JAKMIP3: variants seen among roughly 807,000 people sequenced by gnomAD.
JAKMIP3 encodes janus kinase and microtubule-interacting protein 3.
A neutral mutation model predicts 118.5 loss-of-function variants in JAKMIP3; 58 were observed. That is an observed-to-expected ratio of 0.49 (90% CI 0.40 to 0.61). The LOEUF (loss-of-function observed/expected upper bound fraction) is 0.61. Among genes scored for constraint, JAKMIP3 ranks in the 20% least tolerant of loss-of-function variants. JAKMIP3 has a pLI of 0.00. For synonymous variants in JAKMIP3, 486 were observed against 451.2 expected (o/e 1.08, Z -0.98); for missense variants, 950 against 1,109.0 (o/e 0.86, Z 2.04).
chr10:132,163,649 C>T (rs1419031042), intron 20 of JAKMIP3, among the ~76,000 whole-genome samples: 1 of 152,196 alleles, frequency 6.6e-6, no homozygotes, highest in African/African-American at 2.4e-5. Context: ...GATCATGCCC[C>T]AGAATGGCCA....
chr10:132,134,585 C>A (rs923689109), intron 4 of JAKMIP3, among the ~76,000 whole-genome samples: 1 of 152,176 alleles, frequency 6.6e-6, no homozygotes, highest in Non-Finnish European at 1.5e-5. Context: ...CTCATGTCAT[C>A]GTACCAGAGA....
intron 1 of JAKMIP3, among the ~76,000 whole-genome samples, chr10:132,104,136 G>A (rs1034668905): frequency 2.1e-5 from 3 of 144,190 alleles, no homozygotes; most frequent in African/African-American, 5.5e-5. Context: ...ATCGATGGAT[G>A]CAGGTTGCCT....
chr10:132,103,442 GA>G (rs2045373050), intron 1 of JAKMIP3, among the ~76,000 whole-genome samples: 1 of 77,906 alleles, frequency 1.3e-5, no homozygotes, highest in African/African-American at 6.8e-5. Flanking sequence ...GCACCTGGGG[GA>G]GAGGAGCAGC....
chr10:132,104,200 C>T (rs182072929), intron 1 of JAKMIP3, among the ~76,000 whole-genome samples: 47 of 152,284 alleles, frequency 3.1e-4, no homozygotes, highest in Admixed American at 5.2e-4. Context: ...CGCTTCTGTT[C>T]CAGTCCCTGC....
At chr10:132,062,406 G>C (rs1202042993), upstream of JAKMIP3, among the ~76,000 whole-genome samples, 2 of 152,192 alleles carry the variant, frequency 1.3e-5, no homozygotes. Context: ...TGCAGACAGG[G>C]GTGCTCGTGG....
rs938476250 is a variant in JAKMIP3, at chr10:132,049,588, C to T, written c.-138+12850C>T. ...CCTAAATCGGGGTGTTTTTCCATATCCTTGAATGCTGTTTGCGTGTGCCCG... is the reference window on the plus strand; with the variant it reads ...CCTAAATCGGGGTGTTTTTCCATATTCTTGAATGCTGTTTGCGTGTGCCCG... On this transcript the variant is annotated intron_variant, in intron 1 of 23. Coordinates refer to the JAKMIP3 transcript ENST00000657785. This position sits in a 1 kb window ranked among gnomAD's most constrained non-coding sequence, Gnocchi z 4.3. Among the ~76,000 whole-genome samples the T allele has an allele frequency of 3.3e-5, 5 of 151,824 alleles. No homozygotes were observed. The highest frequency in any genetic ancestry group is 7.4e-5 in the Non-Finnish European group (5 of 67,988).
chr10:132,137,136 G>A lies in JAKMIP3; in HGVS notation c.1234G>A (p.Asp412Asn), dbSNP rs780921331. The A allele has an allele frequency of 1.2e-6, 2 of 1,613,964 alleles. No individual in the cohort carries two copies. The highest frequency in any genetic ancestry group is 1.7e-6 in the Non-Finnish European group (2 of 1,179,882). ...GATTGTGGAGCAGCAAAACCTCATA[G>A]ATGAACTGTCTAAGGTACCCGGCGG... ...LQIVEQQNLI[D>N]ELSKTLETAG... is the part of the protein sequence containing the mutation. Residue 412 changes from aspartate (D) to asparagine (N), a missense_variant, in exon 7 of 24, where the codon GAT (aspartate) becomes AAT (asparagine). Asp to Asn is a conservative substitution (Grantham distance 23). Transcript: ENST00000684848.
chr10:132,164,573 G>A lies in JAKMIP3; in HGVS notation c.2425-97G>A, dbSNP rs138897338. On this transcript the variant is annotated intron_variant, in intron 20 of 23. Coordinates refer to ENST00000684848, the MANE Select transcript of JAKMIP3 (RefSeq NM_001323087.2). Reference sequence around the variant, plus strand: ...GCCATGGCCATGCCAGCTGCTCTGCGACGATCTGTTACCAAGGAAATGAAT... The same window carrying A: ...GCCATGGCCATGCCAGCTGCTCTGCAACGATCTGTTACCAAGGAAATGAAT... The A allele has an allele frequency of 1.2e-3, 1,014 of 821,818 alleles. 6 individuals are homozygous for A. In the African/African-American group the frequency reaches 0.015, roughly 12 times the overall value. The allele number at this position is 821,818 out of a possible 1,614,324, so 50.9% of individuals were successfully genotyped here.
chr10:132,082,784 T>C (rs1413822131), intron 1 of JAKMIP3, among the ~76,000 whole-genome samples: 3 of 152,170 alleles, frequency 2.0e-5, no homozygotes, highest in African/African-American at 7.2e-5. Flanking sequence ...CTAATTTTTA[T>C]ATTTTTAATA....
At chr10:132,142,855 C>T (rs1277356023) in intron 11 of JAKMIP3, among the ~76,000 whole-genome samples, 1 of 152,042 alleles carries the variant, frequency 6.6e-6, no homozygotes. Flanking sequence ...CACCCCAAAA[C>T]CACCCTGCAG....
chr10:132,090,700 C>T (rs1027997006), intron 1 of JAKMIP3, among the ~76,000 whole-genome samples: 1 of 152,196 alleles, frequency 6.6e-6, no homozygotes, highest in African/African-American at 2.4e-5. Context: ...TTGTCTCTAT[C>T]TCCTTCAATT....
chr10:132,128,234 G>A (rs2049980561), intron 3 of JAKMIP3, among the ~76,000 whole-genome samples: 3 of 152,202 alleles, frequency 2.0e-5, no homozygotes, highest in African/African-American at 7.2e-5. Flanking sequence ...TGTCCTGCCA[G>A]TGTCCTCTGA....
At chr10:132,151,180 C>T (rs1022151072) in intron 16 of JAKMIP3, among the ~76,000 whole-genome samples, 1 of 152,130 alleles carries the variant, frequency 6.6e-6, no homozygotes, top group Non-Finnish European at 1.5e-5. Flanking sequence ...ATCCATCCAC[C>T]CTCCATAATT....
chr10:132,131,162 CAG>C (rs1261933778), intron 3 of JAKMIP3, among the ~76,000 whole-genome samples: 1 of 146,582 alleles, frequency 6.8e-6, no homozygotes, highest in Non-Finnish European at 1.5e-5. Context: ...GGGAAGGCAA[CAG>C]AGGGAGCTCA....
Position 132,180,751 on chromosome 10 carries a change from G to GCA in JAKMIP3, c.*1104-1605_*1104-1604insAC, listed in dbSNP as rs2061235933. 1.2e-4 allele frequency among the ~76,000 whole-genome samples: 3 copies of GCA among 24,632 alleles called. 1 individual carries two copies. Among genetic ancestry groups the GCA allele is most frequent in the South Asian group, 2.5e-3 (2 of 814 alleles). The allele number at this position is 24,632 out of a possible 152,430, so 16.2% of individuals were successfully genotyped here. A position where few individuals can be genotyped will look rare whatever the true frequency, so the allele number is the denominator to read the frequency against. On this transcript the variant is annotated intron_variant, in intron 23 of 23. Transcript: ENST00000684848. The stretch of plus-strand genomic sequence containing the variant: ...TGTGCGTGTGTGCGTGCGTGCGCGC[G>GCA]CGTGTGTGCGTGTGTGTGCGTGTGT...
chr10:132,119,387 GA>G (rs1483087592), intron 3 of JAKMIP3, among the ~76,000 whole-genome samples: 1 of 152,180 alleles, frequency 6.6e-6, no homozygotes, highest in African/African-American at 2.4e-5. Context: ...TCTTGTTTAG[GA>G]AATCTTTCGA....
chr10:132,156,247 CT>C, intron 19 of JAKMIP3, among the ~76,000 whole-genome samples: 3 of 152,332 alleles, frequency 2.0e-5, no homozygotes, highest in Middle Eastern at 3.4e-3. Context: ...GCTTCTTGGC[CT>C]CTGCTCTCCA....
At chr10:132,124,851 G>A (rs543625760) in intron 3 of JAKMIP3, among the ~76,000 whole-genome samples, 2 of 152,344 alleles carry the variant, frequency 1.3e-5, no homozygotes, top group East Asian at 1.9e-4. Context: ...GCCCCCTCTC[G>A]TTCTACATCC....
intron 19 of JAKMIP3, among the ~76,000 whole-genome samples, chr10:132,154,516 C>T (rs576034653): frequency 6.6e-6 from 1 of 152,240 alleles, no homozygotes; most frequent in South Asian, 2.1e-4. Context: ...CCCGTGACTG[C>T]ACAAGCAAAA....
Sources: allele counts gnomAD v4.1 joint callset (sites outside exome capture counted in the v4.1 genomes callset), GRCh38; gene constraint gnomAD v4.1.1; non-coding constraint Gnocchi (gnomAD v3.1); transcripts MANE v1.5; gene names NCBI Gene and HGNC (gene_info 2026-07-23, HGNC 2026-07-21).